Variants in HEATR5A observed in about 807,000 individuals in gnomAD.
HEATR5A encodes HEAT repeat containing 5A, also known as HEAT repeat-containing protein 5A.
Under a neutral mutation model 218.8 loss-of-function variants are expected in HEATR5A, and 178 were observed. The ratio of observed to expected loss-of-function variants is 0.81; its 90% CI spans 0.72 to 0.92. The LOEUF (loss-of-function observed/expected upper bound fraction) is 0.92. Among genes scored for constraint, HEATR5A ranks in the 40% least tolerant of loss-of-function variants. HEATR5A has a pLI of 0.00. For missense variants in HEATR5A, 2,420 were observed against 2,418.9 expected, an observed-to-expected ratio of 1.00 and a Z score of -0.01; for synonymous variants, 864 against 871.6, an observed-to-expected ratio of 0.99 and a Z score of 0.15.
chr14:31,343,970 T>C lies in HEATR5A; in HGVS notation c.3154A>G (p.Ile1052Val), dbSNP rs1285031914. 6.2e-7 allele frequency: 1 copy of C among 1,611,906 alleles called. No individual in the cohort carries two copies. Among genetic ancestry groups the C allele is most frequent in the Admixed American group, 1.7e-5 (1 of 59,478 alleles). ...ATATGAAGCTGCTGAAGGCAAGAGA[T>C]GGCCTGAGCTTGAACAAGGCAGTCT... ...NPDCLVQAQA[I>V]SCLQQLHMFA... Residue 1052 changes from isoleucine (I) to valine (V), a missense_variant, in exon 21 of 36, where the codon ATC (isoleucine) becomes GTC (valine). Physicochemically the swap from Ile to Val is conservative, Grantham distance 29. Transcript: ENST00000543095.
At chr14:31,302,221 A>T (rs1899406842) in intron 33 of HEATR5A, 74 bp downstream of exon 33, 2 of 1,066,648 alleles carry the variant, frequency 1.9e-6, no homozygotes, top group Non-Finnish European at 2.8e-6. Context: ...ATCAAGTAAA[A>T]TATCTTATCC....
Position 31,400,510 on chromosome 14 carries a change from A to G in HEATR5A, c.129T>C (p.Asn43=). The change falls in exon 3 of 36, where the codon AAT becomes AAC. Residue 43 remains asparagine (N), a splice_region_variant and synonymous_variant. Coordinates refer to ENST00000543095, the MANE Select transcript of HEATR5A (RefSeq NM_015473.4). ...LEKLLLATSR[N]DVREKQKTLV... The stretch of plus-strand genomic sequence containing the variant: ...GAGTCTTCTGTTTCTCCCTTACATC[A>G]TTCTAGAAAGAAAGATAACACAAAG... The G allele has an allele frequency of 1.3e-6, 2 of 1,520,740 alleles. No homozygotes were observed. Among genetic ancestry groups the G allele is most frequent in the South Asian group, 1.2e-5 (1 of 82,592 alleles). 94.2% of individuals were successfully genotyped at this position (1,520,740 alleles called of 1,614,324 possible).
intron 7 of HEATR5A, 69 bp from the exon 8 acceptor site, chr14:31,387,444 T>G (rs112892714): frequency 9.0e-7 from 1 of 1,112,730 alleles, no homozygotes; most frequent in Admixed American, 2.7e-5. Context: ...CCACAAAACA[T>G]GTAGCATTTA....
At chr14:31,320,611 G>A (rs760381370) in intron 25 of HEATR5A, 9 of 731,398 alleles carry the variant, frequency 1.2e-5, no homozygotes, top group Non-Finnish European at 2.0e-5. Flanking sequence ...CTGGAGAAAT[G>A]AGTAATACCC....
chr14:31,352,495 G>A (rs1260486726), intron 16 of HEATR5A, among the ~76,000 whole-genome samples: 1 of 152,076 alleles, frequency 6.6e-6, no homozygotes, highest in African/African-American at 2.4e-5. Flanking sequence ...AGGCTACAAG[G>A]CAAGCTGTCC....
At chr14:31,314,099 C>T (rs1899841240) in intron 27 of HEATR5A, among the ~76,000 whole-genome samples, 1 of 151,894 alleles carries the variant, frequency 6.6e-6, no homozygotes, top group Non-Finnish European at 1.5e-5. Context: ...AGGTGCGCAC[C>T]ACCATGCCTG....
intron 16 of HEATR5A, among the ~76,000 whole-genome samples, chr14:31,356,845 G>A (rs1244619277): frequency 6.6e-6 from 1 of 152,116 alleles, no homozygotes; most frequent in Non-Finnish European, 1.5e-5. Context: ...GCTGTAAAAA[G>A]TATATTTTCT....
At chr14:31,417,094 C>A (rs369225876) in intron 1 of HEATR5A, among the ~76,000 whole-genome samples, 1 of 151,790 alleles carries the variant, frequency 6.6e-6, no homozygotes, top group African/African-American at 2.4e-5. Flanking sequence ...ACAAAAAAAA[C>A]CCTGCTTTGA....
At chr14:31,316,068 A>G (rs542577365) in intron 26 of HEATR5A, 119 bp from the exon 27 acceptor site, 3 of 715,020 alleles carry the variant, frequency 4.2e-6, no homozygotes, top group African/African-American at 3.5e-5. Context: ...AGATCGCTTG[A>G]GCCCAGGAGT....
intron 22 of HEATR5A, among the ~76,000 whole-genome samples, chr14:31,328,015 A>T (rs1220381812): frequency 2.0e-5 from 3 of 152,136 alleles, no homozygotes; most frequent in Non-Finnish European, 4.4e-5. Flanking sequence ...GTACAGTGGC[A>T]CAATCTCACT....
In HEATR5A at chr14:31,345,084, C is replaced by A; in HGVS notation, c.3058+3G>T. 1.2e-6 allele frequency: 2 copies of A among 1,605,938 alleles called. No individual in the cohort carries two copies. The highest frequency in any genetic ancestry group is 1.1e-5 in the South Asian group (1 of 89,522). On this transcript the variant is annotated splice_donor_region_variant and intron_variant, in intron 20 of 35. Coordinates refer to ENST00000543095, the MANE Select transcript of HEATR5A (RefSeq NM_015473.4). ...AAAACATCACAAAAGCAGCTATGCA[C>A]ACCTTGTAGCTCTGGACCTAACGTG...
intron 16 of HEATR5A, among the ~76,000 whole-genome samples, chr14:31,355,393 A>G (rs910400689): frequency 4.6e-5 from 7 of 151,924 alleles, no homozygotes; most frequent in Non-Finnish European, 7.4e-5. Flanking sequence ...AGCCTGGTTG[A>G]CAGAGCAAAA....
chr14:31,332,745 A>G (rs1464635227), intron 22 of HEATR5A, among the ~76,000 whole-genome samples: 2 of 152,094 alleles, frequency 1.3e-5, no homozygotes, highest in Non-Finnish European at 2.9e-5. Context: ...CAGCACTTTG[A>G]GAGACCGAGG....
chr14:31,394,943 C>T lies in HEATR5A; in HGVS notation c.597+256G>A, dbSNP rs118107877. Among the ~76,000 whole-genome samples the T allele has an allele frequency of 4.9e-4, 74 of 152,174 alleles. No individual in the cohort carries two copies. In the East Asian group the frequency reaches 7.9e-3, roughly 16 times the overall value. ...ATGTAAATTTTAATTTACACAATTACGGAGAAAACATAGTAGAGTAGAATG... is the reference window on the plus strand; with the variant it reads ...ATGTAAATTTTAATTTACACAATTATGGAGAAAACATAGTAGAGTAGAATG... On this transcript the variant is annotated intron_variant, in intron 5 of 35. Transcript: ENST00000543095.
intron 11 of HEATR5A, among the ~76,000 whole-genome samples, chr14:31,377,197 G>A (rs1420669855): frequency 6.6e-6 from 1 of 151,254 alleles, no homozygotes; most frequent in Non-Finnish European, 1.5e-5. Flanking sequence ...AACGGCTGAT[G>A]GCAAGCCTAA....
intron 32 of HEATR5A, 112 bp from the exon 33 acceptor site, chr14:31,302,631 A>G (rs755935357): frequency 8.5e-6 from 6 of 705,490 alleles, no homozygotes; most frequent in Non-Finnish European, 1.4e-5. Flanking sequence ...TTAAAAGATG[A>G]TTTCTAATAA....
intron 18 of HEATR5A, among the ~76,000 whole-genome samples, chr14:31,348,436 A>T (rs1901092136): frequency 6.6e-6 from 1 of 152,078 alleles, no homozygotes; most frequent in Non-Finnish European, 1.5e-5. Context: ...TGTTTTAATT[A>T]ACTGGGCGTA....
chr14:31,409,239 G>A, intron 1 of HEATR5A, among the ~76,000 whole-genome samples: 1 of 149,018 alleles, frequency 6.7e-6, no homozygotes, highest in Non-Finnish European at 1.5e-5. Flanking sequence ...GTAGAGACAG[G>A]GTTTCACCAT....
intron 32 of HEATR5A, among the ~76,000 whole-genome samples, chr14:31,304,114 CA>C (rs1453666832): frequency 6.6e-6 from 1 of 152,086 alleles, no homozygotes; most frequent in East Asian, 1.9e-4. Flanking sequence ...GAGGCCAAGA[CA>C]GGAGGATTGC....
Sources: gnomAD v4.1 joint callset for allele counts (sites outside exome capture counted in the v4.1 genomes callset) on GRCh38, gnomAD v4.1.1 for gene constraint, MANE v1.5 for transcripts, NCBI Gene and HGNC (gene_info 2026-07-23, HGNC 2026-07-21) for gene names.